The following GPC5 variants were observed in gnomAD, a reference collection of about 807,000 sequenced individuals.
GPC5 encodes glypican-5.
A neutral mutation model predicts 53.9 loss-of-function variants in GPC5; 47 were observed. The observed-to-expected ratio is 0.87, with a 90% CI of 0.69 to 1.11. GPC5 has a LOEUF of 1.11. GPC5 is among the 50% of genes most tolerant of loss of function. The probability of loss-of-function intolerance (pLI) is 0.00; values close to 1 mark genes in which losing one functional copy is unlikely to be tolerated. For synonymous variants in GPC5, 286 were observed against 263.3 expected (o/e 1.09, Z -0.84); for missense variants, 748 against 713.1 (o/e 1.05, Z -0.56).
chr13:91,417,071 G>C lies in GPC5; in HGVS notation c.163+17862G>C, dbSNP rs149319978. On this transcript the variant is annotated intron_variant, in intron 1 of 7. Transcript: ENST00000377067. ...AACAGAGTGGGGTGGATGGAGCAGAGGGGGGGAGTATTTAGAAGGCAGAAT... is the reference window on the plus strand; with the variant it reads ...AACAGAGTGGGGTGGATGGAGCAGACGGGGGGAGTATTTAGAAGGCAGAAT... Among the ~76,000 whole-genome samples the C allele has an allele frequency of 2.9e-3, 444 of 152,224 alleles. 3 individuals are homozygous for C. Among genetic ancestry groups the C allele is most frequent in the East Asian group, 0.013 (67 of 5,184 alleles).
At chr13:92,814,146 T>C (rs1877385071) in intron 7 of GPC5, among the ~76,000 whole-genome samples, 1 of 151,972 alleles carries the variant, frequency 6.6e-6, no homozygotes, top group African/African-American at 2.4e-5. Context: ...TTTCAACAAA[T>C]GGTGCTGGAA....
At chr13:92,796,654 A>G (rs1876696392) in intron 7 of GPC5, among the ~76,000 whole-genome samples, 1 of 151,886 alleles carries the variant, frequency 6.6e-6, no homozygotes, top group Non-Finnish European at 1.5e-5. Context: ...ATTCAAAACA[A>G]AGAAAATGAC....
At chr13:91,424,229 C>T (rs1049522837) in intron 1 of GPC5, among the ~76,000 whole-genome samples, 3 of 151,270 alleles carry the variant, frequency 2.0e-5, no homozygotes, top group African/African-American at 7.3e-5. Context: ...TTACGGGATC[C>T]TGGGGACACA....
intron 6 of GPC5, among the ~76,000 whole-genome samples, chr13:92,065,367 ATTTGTCC>A (rs1189427204): frequency 7.2e-5 from 11 of 152,244 alleles, no homozygotes; most frequent in African/African-American, 2.6e-4. Context: ...CTTGGTGAAG[ATTTGTCC>A]TTTGTGAGTA....
chr13:92,655,630 C>A (rs987616546), intron 7 of GPC5, among the ~76,000 whole-genome samples: 1 of 152,094 alleles, frequency 6.6e-6, no homozygotes, highest in East Asian at 1.9e-4. Flanking sequence ...CGTGAGCCAC[C>A]GCACCTGTTC....
chr13:92,621,076 C>G (rs1884854134), intron 7 of GPC5, among the ~76,000 whole-genome samples: 1 of 152,118 alleles, frequency 6.6e-6, no homozygotes, highest in Admixed American at 6.5e-5. Context: ...AGGTCAACAT[C>G]TCTTTCTCTT....
At chr13:91,944,892 T>A (rs1044639067) in intron 6 of GPC5, among the ~76,000 whole-genome samples, 2 of 152,166 alleles carry the variant, frequency 1.3e-5, no homozygotes, top group African/African-American at 4.8e-5. Context: ...TTTCCCCCCA[T>A]TTTCTGGTGT....
intron 5 of GPC5, among the ~76,000 whole-genome samples, chr13:91,776,981 G>A (rs1166014862): frequency 2.0e-5 from 3 of 152,068 alleles, no homozygotes. Context: ...CTTATAATGT[G>A]TAACCGCCCA....
At chr13:91,754,692 A>G (rs2037251812) in intron 4 of GPC5, among the ~76,000 whole-genome samples, 2 of 152,122 alleles carry the variant, frequency 1.3e-5, no homozygotes, top group South Asian at 2.1e-4. Context: ...CTGCTTCCTC[A>G]ATTATGTTTT....
At chr13:92,786,066 G>A (rs1191309670) in intron 7 of GPC5, among the ~76,000 whole-genome samples, 1 of 152,124 alleles carries the variant, frequency 6.6e-6, no homozygotes, top group Non-Finnish European at 1.5e-5. Context: ...ATCCTGAATT[G>A]GGGTACAAAT....
At chr13:92,366,541 G>T (rs1009351437) in intron 7 of GPC5, among the ~76,000 whole-genome samples, 2 of 150,724 alleles carry the variant, frequency 1.3e-5, no homozygotes, top group Non-Finnish European at 1.5e-5. Context: ...CATCTTGAGT[G>T]CACTAGTAGA....
chr13:92,160,866 A>G (rs954656107), intron 7 of GPC5, among the ~76,000 whole-genome samples: 2 of 152,118 alleles, frequency 1.3e-5, no homozygotes, highest in Non-Finnish European at 2.9e-5. Context: ...CTCCTTCACT[A>G]TTACTAATTT....
At chr13:92,004,218 A>T (rs2040582604) in intron 6 of GPC5, among the ~76,000 whole-genome samples, 1 of 151,716 alleles carries the variant, frequency 6.6e-6, no homozygotes, top group African/African-American at 2.4e-5. Flanking sequence ...AGGCTGAGGT[A>T]GGTGGATCAC....
chr13:91,472,376 C>T (rs916275165), intron 2 of GPC5, among the ~76,000 whole-genome samples: 1 of 152,134 alleles, frequency 6.6e-6, no homozygotes, highest in Admixed American at 6.5e-5. Flanking sequence ...TGTTTTGCTA[C>T]TTTAGACAGT....
At chr13:92,049,908 C>T (rs1051855695) in intron 6 of GPC5, among the ~76,000 whole-genome samples, 1 of 151,924 alleles carries the variant, frequency 6.6e-6, no homozygotes, top group African/African-American at 2.4e-5. Context: ...AAAGAAAATT[C>T]AAAAGTAGCT....
intron 6 of GPC5, among the ~76,000 whole-genome samples, chr13:92,039,721 A>G (rs1594739120): frequency 6.6e-6 from 1 of 152,096 alleles, no homozygotes; most frequent in Admixed American, 6.5e-5. Context: ...CTCACAATGA[A>G]TGGCTGCCTT....
chr13:91,584,652 C>T (rs924817337), intron 2 of GPC5, among the ~76,000 whole-genome samples: 4 of 151,826 alleles, frequency 2.6e-5, no homozygotes, highest in Non-Finnish European at 5.9e-5. Context: ...AATCTTGGCT[C>T]ACTGTAACCT....
At chr13:92,719,432 A>G (rs538471115) in intron 7 of GPC5, among the ~76,000 whole-genome samples, 72 of 152,300 alleles carry the variant, frequency 4.7e-4, no homozygotes, top group African/African-American at 1.7e-3. Flanking sequence ...ATCACTAGGC[A>G]TTGAATAATT....
intron 6 of GPC5, among the ~76,000 whole-genome samples, chr13:92,124,363 C>T (rs1011100058): frequency 2.6e-5 from 4 of 151,214 alleles, no homozygotes; most frequent in Non-Finnish European, 5.9e-5. Flanking sequence ...AGGGAAGTCA[C>T]ACCGTGCAGG....
Sources: gnomAD v4.1 joint callset for allele counts (sites outside exome capture counted in the v4.1 genomes callset) on GRCh38, gnomAD v4.1.1 for gene constraint, MANE v1.5 for transcripts, NCBI Gene and HGNC (gene_info 2026-07-23, HGNC 2026-07-21) for gene names.